Variants in WNK3 observed in about 807,000 individuals in gnomAD.
WNK3 encodes serine/threonine-protein kinase WNK3.
In WNK3, 18 loss-of-function variants were observed where a neutral mutation model predicts 116.7. The ratio of observed to expected loss-of-function variants is 0.15; its 90% CI spans 0.11 to 0.23. The LOEUF (loss-of-function observed/expected upper bound fraction) is 0.23, where lower values mean the gene tolerates loss of function less well. WNK3 is among the 10% of genes least tolerant of loss of function. The pLI, the probability that WNK3 is intolerant of heterozygous loss-of-function variation, is 1.00. For missense variants in WNK3, 993 were observed against 1,323.8 expected, an observed-to-expected ratio of 0.75 and a Z score of 3.88; for synonymous variants, 404 against 469.4, an observed-to-expected ratio of 0.86 and a Z score of 1.80.
intron 2 of WNK3, among the ~76,000 whole-genome samples, chrX:54,321,980 T>TC (rs1168441540): frequency 1.4e-4 from 11 of 78,632 alleles, no homozygotes; most frequent in African/African-American, 4.9e-4. Context: ...CAAGACTCCA[T>TC]CCCAAAAAAA....
intron 1 of WNK3, among the ~76,000 whole-genome samples, chrX:54,335,654 CTAAAA>C (rs1350758477): frequency 8.9e-6 from 1 of 111,811 alleles, no homozygotes; most frequent in Non-Finnish European, 1.9e-5. Flanking sequence ...AAACCTTGAA[CTAAAA>C]TAAACAAAAT....
intron 6 of WNK3, among the ~76,000 whole-genome samples, chrX:54,298,968 A>G (rs1487648199): frequency 2.7e-5 from 3 of 112,452 alleles, no homozygotes; most frequent in African/African-American, 9.7e-5. Context: ...GTGGTTCAGC[A>G]AAGTCCAGTG....
chrX:54,203,075 G>A (rs2067518079), intron 22 of WNK3, among the ~76,000 whole-genome samples: 1 of 111,617 alleles, frequency 9.0e-6, no homozygotes, highest in Admixed American at 9.6e-5. Flanking sequence ...ATTTTTTACC[G>A]ATATTTCTGT....
At chrX:54,274,055 C>T (rs2068413818) in intron 10 of WNK3, among the ~76,000 whole-genome samples, 2 of 111,322 alleles carry the variant, frequency 1.8e-5, no homozygotes, top group East Asian at 2.8e-4. Context: ...GACAGGTGAA[C>T]AGGACCCTTA....
At chrX:54,325,320 A>C (rs2069086233) in intron 2 of WNK3, among the ~76,000 whole-genome samples, 1 of 111,561 alleles carries the variant, frequency 9.0e-6, no homozygotes, top group African/African-American at 3.3e-5. Flanking sequence ...AAGCACACTC[A>C]AATACATTTC....
intron 17 of WNK3, among the ~76,000 whole-genome samples, chrX:54,246,563 A>C (rs1478084372): frequency 9.0e-6 from 1 of 111,602 alleles, no homozygotes; most frequent in Non-Finnish European, 1.9e-5. Context: ...ACAAATCTTC[A>C]AATTCGAAAC....
At chrX:54,313,511 C>T (rs1312825661) in intron 2 of WNK3, among the ~76,000 whole-genome samples, 4 of 110,409 alleles carry the variant, frequency 3.6e-5, no homozygotes, top group African/African-American at 6.6e-5. Context: ...GCCACCACCC[C>T]GGCTAATTTT....
intron 10 of WNK3, among the ~76,000 whole-genome samples, chrX:54,260,710 T>C (rs1225218424): frequency 5.4e-5 from 6 of 110,732 alleles, no homozygotes; most frequent in Non-Finnish European, 1.1e-4. Context: ...AAATGTTTCA[T>C]TTTTACTTTC....
In WNK3 at chrX:54,282,101, G is replaced by A. The variant is rs140623428; in HGVS notation, c.2037+10787C>T. Reference sequence around the variant, plus strand: ...GTTGCCCAGGCTGGAGTTCAGTGGTGCAATCACAGCTCACTGCAGCCTTGA... The same window carrying A: ...GTTGCCCAGGCTGGAGTTCAGTGGTACAATCACAGCTCACTGCAGCCTTGA... On this transcript the variant is annotated intron_variant, in intron 10 of 23. Transcript: ENST00000354646. Among the ~76,000 whole-genome samples, 534 of 109,089 alleles carry A rather than the reference G, an allele frequency of 4.9e-3. 3 individuals carry two copies. The highest frequency in any genetic ancestry group is 0.017 in the African/African-American group (514 of 29,881). 94.7% of individuals were successfully genotyped at this position (109,089 alleles called of 115,157 possible).
At chrX:54,317,936 G>T (rs1200249551) in intron 2 of WNK3, among the ~76,000 whole-genome samples, 1 of 110,604 alleles carries the variant, frequency 9.0e-6, no homozygotes, top group Admixed American at 9.7e-5. Context: ...CCAGCCAGGG[G>T]AAGTTAAATT....
At chrX:54,333,048 T>A in intron 2 of WNK3, 89 bp downstream of exon 2, 1 of 648,030 alleles carries the variant, frequency 1.5e-6, no homozygotes, top group Non-Finnish European at 2.3e-6. Flanking sequence ...TTTATTTTAA[T>A]CCATGATACA....
chrX:54,237,387 C>T lies in WNK3; in HGVS notation c.4179G>A (p.Ser1393=), dbSNP rs782752400. 34 of 1,207,220 alleles carry T rather than the reference C, an allele frequency of 2.8e-5. No individual in the cohort carries two copies. The Middle Eastern group carries it at 1.2e-3, about 41-fold the overall frequency. ...GAGCTTGTAACTTCTCATAAGAAAA[C>T]GAAGTTTTTGGATTTTGTGTGGCAG... Residue 1393 remains serine, a synonymous_variant, in exon 20 of 24, where the codon TCG becomes TCA. Coordinates refer to ENST00000354646, the Ensembl canonical transcript of WNK3.
At chrX:54,346,012 T>C (rs1408050602) in intron 1 of WNK3, among the ~76,000 whole-genome samples, 6 of 108,380 alleles carry the variant, frequency 5.5e-5, no homozygotes, top group African/African-American at 2.0e-4. Flanking sequence ...AAATATATAA[T>C]TACAAAAACT....
intron 17 of WNK3, among the ~76,000 whole-genome samples, chrX:54,246,969 T>C (rs1473921812): frequency 8.9e-6 from 1 of 111,793 alleles, no homozygotes; most frequent in Non-Finnish European, 1.9e-5. Flanking sequence ...AACACTGTCT[T>C]CTAAATTGAG....
chrX:54,250,248 A>G, intron 15 of WNK3, 117 bp from the exon 16 acceptor site: 1 of 704,201 alleles, frequency 1.4e-6, no homozygotes, highest in Non-Finnish European at 2.0e-6. Context: ...TTCTAATAGT[A>G]CTAGAATATA....
At chrX:54,287,885 C>T (rs782174776) in intron 10 of WNK3, among the ~76,000 whole-genome samples, 13 of 111,955 alleles carry the variant, frequency 1.2e-4, no homozygotes, top group Middle Eastern at 4.6e-3. Flanking sequence ...GAGGATTTAC[C>T]GTTGGAATTT....
intron 10 of WNK3, among the ~76,000 whole-genome samples, chrX:54,274,486 G>GA (rs1387703868): frequency 8.9e-6 from 1 of 111,861 alleles, no homozygotes; most frequent in Non-Finnish European, 1.9e-5. Flanking sequence ...CCTCTATGTA[G>GA]AAACTAAATG....
rs1395218605 is a variant in WNK3 at position 54,317,782 on chromosome X, C to T, written c.538-6491G>A. Among the ~76,000 whole-genome samples the T allele has an allele frequency of 2.8e-5, 3 of 108,402 alleles. No homozygotes were observed. In the Admixed American group the frequency reaches 3.0e-4, roughly 11 times the overall value. 94.1% of individuals were successfully genotyped at this position (108,402 alleles called of 115,157 possible). A position where few individuals can be genotyped will look rare whatever the true frequency, so the allele number is the denominator to read the frequency against. ...AAGTAGCTGGGACTACAGGCACGTG[C>T]CACCATGCCCGGCAAATTTTTTGTA... On this transcript the variant is annotated intron_variant, in intron 2 of 23. Transcript: ENST00000354646.
At chrX:54,250,115 C>G in exon 16 of WNK3, 2 of 1,192,156 alleles carry the variant, frequency 1.7e-6, no homozygotes, top group Non-Finnish European at 2.3e-6. Context: ...CTGGGGATGA[C>G]TGAGGAGCAG....
Sources: allele counts gnomAD v4.1 joint callset (sites outside exome capture counted in the v4.1 genomes callset), GRCh38; gene constraint gnomAD v4.1.1; transcripts MANE v1.5; gene names NCBI Gene and HGNC (gene_info 2026-07-23, HGNC 2026-07-21).